Variants in VWDE observed in about 807,000 individuals in gnomAD.
VWDE encodes the protein von Willebrand factor D and EGF domains.
Under a neutral mutation model 178.4 loss-of-function variants are expected in VWDE, and 207 were observed. That is an observed-to-expected ratio of 1.16 (90% CI 1.04 to 1.30). The LOEUF (loss-of-function observed/expected upper bound fraction) is 1.30, where lower values mean the gene tolerates loss of function less well. Ranked by LOEUF, VWDE falls within the 50% of genes most tolerant of loss-of-function variation. The pLI, the probability that VWDE is intolerant of heterozygous loss-of-function variation, is 0.00. For synonymous variants in VWDE, 738 were observed against 651.4 expected (o/e 1.13, Z -2.02); for missense variants, 2,287 against 1,901.3 (o/e 1.20, Z -3.77).
intron 2 of VWDE, among the ~76,000 whole-genome samples, chr7:12,390,866 A>G (rs1027401029): frequency 6.6e-6 from 1 of 152,106 alleles, no homozygotes; most frequent in African/African-American, 2.4e-5. Flanking sequence ...GACTTTAACC[A>G]TTACTAATTT....
Position 12,370,899 on chromosome 7 carries a change from G to T in VWDE, c.1588-35C>A, listed in dbSNP as rs1244611557. ...AGAAATAAATACAGAAATAAAAGAT[G>T]TTGAAGCAATATTCAACCTGGATTA... is the stretch of plus-strand genomic sequence containing the variant. On this transcript the variant is annotated intron_variant, in intron 10 of 28. Transcript: ENST00000275358. 5.5e-6 allele frequency: 8 copies of T among 1,444,264 alleles called. No homozygotes were observed. The South Asian group carries it at 1.0e-4, about 19-fold the overall frequency. 89.5% of individuals were successfully genotyped at this position (1,444,264 alleles called of 1,614,324 possible).
intron 15 of VWDE, 34 bp from the exon 16 acceptor site, chr7:12,359,726 AG>A (rs1174335630): frequency 2.2e-6 from 3 of 1,343,602 alleles, no homozygotes; most frequent in Non-Finnish European, 3.1e-6. Flanking sequence ...AAAACATCAA[AG>A]TACAGCGTGT....
At chr7:12,338,854 A>G (rs1781176800) in intron 24 of VWDE, among the ~76,000 whole-genome samples, 1 of 152,142 alleles carries the variant, frequency 6.6e-6, no homozygotes, top group South Asian at 2.1e-4. Flanking sequence ...CTTTTTTGTG[A>G]TGTTTCTAGC....
At chr7:12,345,493 T>G (rs984912681) in intron 19 of VWDE, among the ~76,000 whole-genome samples, 1 of 152,160 alleles carries the variant, frequency 6.6e-6, no homozygotes, top group African/African-American at 2.4e-5. Flanking sequence ...AAAACAAGGC[T>G]AGCCAGCACA....
intron 16 of VWDE, 148 bp from the exon 17 acceptor site, chr7:12,357,663 T>G: frequency 1.1e-6 from 1 of 870,260 alleles, no homozygotes; most frequent in Non-Finnish European, 1.7e-6. Context: ...TTTTTAACAT[T>G]CTGAGTAAGT....
At chr7:12,402,310 T>G (rs1053459706) in intron 1 of VWDE, among the ~76,000 whole-genome samples, 2 of 152,186 alleles carry the variant, frequency 1.3e-5, no homozygotes, top group African/African-American at 4.8e-5. Flanking sequence ...GTCGCACACT[T>G]TGAGTGATTT....
Position 12,393,597 on chromosome 7 carries a change from A to G in VWDE, c.240T>C (p.Val80=). ...AGTACTTAGGGAGTTGACATACCTCAACACATTTGGTTGGCATCTCGGCAG... is the reference window on the plus strand; with the variant it reads ...AGTACTTAGGGAGTTGACATACCTCGACACATTTGGTTGGCATCTCGGCAG... ...DRPAEMPTKC[V]EMNHCGTQAP... Residue 80 remains valine (V), a synonymous_variant, in exon 2 of 29, where the codon GTT becomes GTC. Transcript: ENST00000275358. The G allele has an allele frequency of 1.3e-6, 2 of 1,547,442 alleles. No individual in the cohort carries two copies. The highest frequency in any genetic ancestry group is 1.7e-6 in the Non-Finnish European group (2 of 1,145,136).
chr7:12,403,546 G>A (rs1214098775), intron 1 of VWDE, 113 bp downstream of exon 1: 1 of 1,010,424 alleles, frequency 9.9e-7, no homozygotes, highest in East Asian at 2.8e-5. Context: ...ATCGCTTGCT[G>A]CCTTAAAACG....
chr7:12,376,528 T>A (rs1388671642), intron 7 of VWDE, among the ~76,000 whole-genome samples: 2 of 152,156 alleles, frequency 1.3e-5, no homozygotes, highest in Admixed American at 6.6e-5. Flanking sequence ...ATTGAAAGCA[T>A]GAAAATATAT....
chr7:12,390,448 G>T (rs566940165), intron 2 of VWDE, among the ~76,000 whole-genome samples: 1 of 151,768 alleles, frequency 6.6e-6, no homozygotes, highest in East Asian at 1.9e-4. Context: ...ACATAGTAAT[G>T]GCTAAAAAAT....
In VWDE at chr7:12,342,187, T is replaced by G. The variant is rs192001465; in HGVS notation, c.4175-33A>C. The G allele has an allele frequency of 4.4e-4, 680 of 1,536,762 alleles. 2 individuals are homozygous for G. The African/African-American group carries it at 8.0e-3, about 18-fold the overall frequency. Reference sequence around the variant, plus strand: ...CATAGAATAAAGAGAAAAGAAAGATTAGGCTTGGAGTAGTCATATTGTTGG... The same window carrying G: ...CATAGAATAAAGAGAAAAGAAAGATGAGGCTTGGAGTAGTCATATTGTTGG... On this transcript the variant is annotated intron_variant, in intron 22 of 28. Coordinates refer to ENST00000275358, the MANE Select transcript of VWDE (RefSeq NM_001135924.3).
chr7:12,366,530 G>T (rs990328101), intron 13 of VWDE, among the ~76,000 whole-genome samples: 1 of 151,992 alleles, frequency 6.6e-6, no homozygotes, highest in Non-Finnish European at 1.5e-5. Context: ...ACTTCATTGG[G>T]ATTAAAATAT....
At chr7:12,337,373 A>G (rs1371462673) in intron 24 of VWDE, 101 bp from the exon 25 acceptor site, 3 of 975,612 alleles carry the variant, frequency 3.1e-6, no homozygotes, top group African/African-American at 3.2e-5. Context: ...CATAAGGCAG[A>G]GAAATGTGCT....
At position 12,403,706 on chromosome 7, in the gene VWDE, C is replaced by G. The variant is rs776699755; in HGVS notation, c.11G>C (p.Gly4Ala). The G allele has an allele frequency of 6.4e-5, 99 of 1,549,788 alleles. No homozygotes were observed. Among genetic ancestry groups the G allele is most frequent in the Non-Finnish European group, 8.5e-5 (97 of 1,146,498 alleles). Residue 4 changes from glycine (G) to alanine (A), a missense_variant, in exon 1 of 29, where the codon GGA becomes GCA. Coordinates refer to ENST00000275358, the MANE Select transcript of VWDE (RefSeq NM_001135924.3). MPGGACVLVIALMF... is the reference protein window; with the variant it reads MPGAACVLVIALMF... ...CAGCGCGATCACCAGCACGCAGGCT[C>G]CGCCAGGCATCGCTGCTTCCGCAGG...
intron 22 of VWDE, among the ~76,000 whole-genome samples, chr7:12,342,564 C>T (rs1016637571): frequency 2.6e-5 from 4 of 151,990 alleles, no homozygotes; most frequent in Non-Finnish European, 5.9e-5. Flanking sequence ...GATATCAGTG[C>T]TATGCAAGAT....
At chr7:12,334,138 CT>C (rs1780883153) in intron 27 of VWDE, among the ~76,000 whole-genome samples, 12 of 152,054 alleles carry the variant, frequency 7.9e-5, no homozygotes, top group Admixed American at 7.9e-4. Context: ...ATATCTCAAT[CT>C]ATTTATCATC....
Position 12,379,569 on chromosome 7 carries a change from A to G in VWDE, c.790-3T>C, listed in dbSNP as rs1363313706. The G allele has an allele frequency of 3.9e-6, 6 of 1,529,158 alleles. No homozygotes were observed. Among genetic ancestry groups the G allele is most frequent in the Non-Finnish European group, 5.3e-6 (6 of 1,137,238 alleles). 94.7% of individuals were successfully genotyped at this position (1,529,158 alleles called of 1,614,324 possible). The stretch of plus-strand genomic sequence containing the variant: ...AAGACAGAAGCGCTGCAGAATATCT[A>G]TGGATATAATTAAAAAATAATCACT... On this transcript the variant is annotated splice_region_variant and splice_polypyrimidine_tract_variant and intron_variant, in intron 5 of 28. Transcript: ENST00000275358.
intron 16 of VWDE, among the ~76,000 whole-genome samples, chr7:12,358,351 G>A (rs1297764719): frequency 2.2e-5 from 3 of 137,690 alleles, no homozygotes; most frequent in Non-Finnish European, 4.6e-5. Context: ...TCCAGCCTGG[G>A]AGACAGAATG....
At chr7:12,388,078 T>C (rs1420519497) in intron 3 of VWDE, among the ~76,000 whole-genome samples, 16 of 152,162 alleles carry the variant, frequency 1.1e-4, no homozygotes, top group Non-Finnish European at 2.4e-4. Flanking sequence ...GATATCCCAT[T>C]GCATTATTCA....
Sources: allele counts gnomAD v4.1 joint callset (sites outside exome capture counted in the v4.1 genomes callset), GRCh38; gene constraint gnomAD v4.1.1; transcripts MANE v1.5; gene names NCBI Gene and HGNC (gene_info 2026-07-23, HGNC 2026-07-21).